The following PSD3 variants were observed in gnomAD, a reference collection of about 807,000 sequenced individuals.
The protein encoded by PSD3 is pleckstrin and Sec7 domain containing 3.
Under a neutral mutation model 105.5 loss-of-function variants are expected in PSD3, and 49 were observed. That is an observed-to-expected ratio of 0.46 (90% confidence interval 0.37 to 0.59). The LOEUF (loss-of-function observed/expected upper bound fraction) is 0.59. PSD3 is among the 20% of genes least tolerant of loss of function. The probability of loss-of-function intolerance (pLI) is 0.00; values close to 1 mark genes in which losing one functional copy is unlikely to be tolerated. For missense variants in PSD3, 1,561 were observed against 1,263.8 expected (o/e 1.24, Z -3.57); for synonymous variants, 557 against 457.8 (o/e 1.22, Z -2.77).
chr8:18,998,209 T>G (rs570812500), intron 1 of PSD3, among the ~76,000 whole-genome samples: 58 of 152,130 alleles, frequency 3.8e-4, no homozygotes, highest in African/African-American at 1.4e-3. Flanking sequence ...TCACTTGGTA[T>G]GCACATATAT....
chr8:18,722,143 T>TG (rs1482326866), intron 9 of PSD3, among the ~76,000 whole-genome samples: 1 of 150,928 alleles, frequency 6.6e-6, no homozygotes, highest in African/African-American at 2.4e-5. Flanking sequence ...ACTAGATCGG[T>TG]GGGTGGACGA....
intron 1 of PSD3, among the ~76,000 whole-genome samples, chr8:19,075,012 C>G (rs1829420583): frequency 6.6e-6 from 1 of 151,240 alleles, no homozygotes; most frequent in East Asian, 1.9e-4. Flanking sequence ...GTGGTGCAGT[C>G]TCAGCTCACT....
chr8:18,621,636 G>A (rs974971294), intron 11 of PSD3, among the ~76,000 whole-genome samples: 7 of 151,996 alleles, frequency 4.6e-5, no homozygotes, highest in African/African-American at 1.7e-4. Context: ...GCTCCTGCGC[G>A]TTCACATGGC....
At chr8:18,581,666 C>T (rs923795057) in intron 12 of PSD3, among the ~76,000 whole-genome samples, 1 of 152,172 alleles carries the variant, frequency 6.6e-6, no homozygotes, top group Admixed American at 6.5e-5. Flanking sequence ...ACTTGGTTTA[C>T]ATCATGTTAA....
At chr8:18,643,879 G>T (rs1419920689) in intron 10 of PSD3, among the ~76,000 whole-genome samples, 1 of 152,230 alleles carries the variant, frequency 6.6e-6, no homozygotes, top group East Asian at 1.9e-4. Context: ...GCACCACATG[G>T]ATGCTGCTAA....
chr8:18,612,613 G>A lies in PSD3; in HGVS notation c.2411-12179C>T, dbSNP rs571979349. On this transcript the variant is annotated intron_variant, in intron 11 of 15. Coordinates refer to ENST00000327040, the MANE Select transcript of PSD3 (RefSeq NM_015310.4). ...TCTTGATCTCCTGACCTCGTGATCCGCCTGCCTCGGCCTCCCAAAGTGCTG... is the reference window on the plus strand; with the variant it reads ...TCTTGATCTCCTGACCTCGTGATCCACCTGCCTCGGCCTCCCAAAGTGCTG... Among the ~76,000 whole-genome samples, 340 of 152,114 alleles carry A rather than the reference G, an allele frequency of 2.2e-3. 2 individuals are homozygous for A. The highest frequency in any genetic ancestry group is 7.6e-3 in the African/African-American group (316 of 41,492).
chr8:18,917,382 A>G (rs1392611750), intron 2 of PSD3, among the ~76,000 whole-genome samples: 1 of 152,180 alleles, frequency 6.6e-6, no homozygotes, highest in Non-Finnish European at 1.5e-5. Context: ...TCTTACAGCT[A>G]AAAGTGATCA....
intron 8 of PSD3, among the ~76,000 whole-genome samples, chr8:18,771,434 C>T (rs1009031022): frequency 2.0e-5 from 3 of 152,172 alleles, no homozygotes; most frequent in Non-Finnish European, 4.4e-5. Flanking sequence ...ATTGCCTAAT[C>T]CAACATCACA....
chr8:18,918,679 G>A (rs774927113), intron 2 of PSD3, among the ~76,000 whole-genome samples: 12 of 152,152 alleles, frequency 7.9e-5, no homozygotes, highest in Non-Finnish European at 1.2e-4. Flanking sequence ...CTCCAACTGT[G>A]TTCCAATAAC....
chr8:18,821,870 CACCACA>C (rs1316710893), intron 4 of PSD3, among the ~76,000 whole-genome samples: 24 of 51,476 alleles, frequency 4.7e-4, no homozygotes, highest in African/African-American at 1.9e-3. Flanking sequence ...CATGCACACA[CACCACA>C]CACACACACA....
chr8:18,772,561 T>C (rs945643443), intron 8 of PSD3, among the ~76,000 whole-genome samples: 1 of 152,118 alleles, frequency 6.6e-6, no homozygotes. Flanking sequence ...CAGGCTGGAG[T>C]GCAGTGGCAC....
chr8:18,629,284 T>C (rs967682932), intron 11 of PSD3, among the ~76,000 whole-genome samples: 8 of 152,034 alleles, frequency 5.3e-5, no homozygotes, highest in Non-Finnish European at 1.0e-4. Flanking sequence ...ATAGAAACTT[T>C]AGAAATTTCT....
chr8:18,808,806 C>G (rs552394317), intron 4 of PSD3: 4 of 1,613,758 alleles, frequency 2.5e-6, no homozygotes, highest in African/African-American at 2.7e-5. Context: ...TGGGGTGCGC[C>G]TGGACCATCC....
chr8:18,690,234 G>A (rs971478718), intron 9 of PSD3, among the ~76,000 whole-genome samples: 6 of 152,258 alleles, frequency 3.9e-5, no homozygotes, highest in Middle Eastern at 3.4e-3. Context: ...GTCCTGAAAC[G>A]TATGTGACAG....
chr8:18,616,141 G>C (rs182030676), intron 11 of PSD3, among the ~76,000 whole-genome samples: 6 of 152,342 alleles, frequency 3.9e-5, no homozygotes, highest in Admixed American at 2.0e-4. Flanking sequence ...CCACTCACGC[G>C]CAGGAGCCAG....
intron 4 of PSD3, among the ~76,000 whole-genome samples, chr8:18,847,372 A>G (rs1339744143): frequency 6.6e-6 from 1 of 152,224 alleles, no homozygotes; most frequent in Non-Finnish European, 1.5e-5. Flanking sequence ...CAAGCTGTGT[A>G]GGCAGCCCAG....
At chr8:18,586,898 G>A (rs747587023) in intron 12 of PSD3, among the ~76,000 whole-genome samples, 4 of 152,192 alleles carry the variant, frequency 2.6e-5, no homozygotes, top group Non-Finnish European at 4.4e-5. Flanking sequence ...GAGAATGGAT[G>A]TAGAGCCTGA....
At chr8:18,579,096 CCACACACACACACACA>C (rs3988324) in intron 12 of PSD3, among the ~76,000 whole-genome samples, 2 of 143,556 alleles carry the variant, frequency 1.4e-5, no homozygotes, top group South Asian at 2.3e-4. Context: ...AGCTCCAAGT[CCACACACACACACACA>C]CACACACACA....
intron 4 of PSD3, among the ~76,000 whole-genome samples, chr8:18,812,540 C>A (rs913237034): frequency 4.6e-5 from 7 of 152,074 alleles, no homozygotes; most frequent in African/African-American, 1.7e-4. Context: ...GCAGTAGGGG[C>A]TATAGGTCCC....
Sources: gnomAD v4.1 joint callset for allele counts (sites outside exome capture counted in the v4.1 genomes callset) on GRCh38, gnomAD v4.1.1 for gene constraint, MANE v1.5 for transcripts, NCBI Gene and HGNC (gene_info 2026-07-23, HGNC 2026-07-21) for gene names.